The following IPO11 variants were observed in gnomAD, a reference collection of about 807,000 sequenced individuals.
The protein encoded by IPO11 is importin 11.
A neutral mutation model predicts 143.2 loss-of-function variants in IPO11; 66 were observed. That is an observed-to-expected ratio of 0.46 (90% CI 0.38 to 0.57). The LOEUF (loss-of-function observed/expected upper bound fraction) is 0.57. Among genes scored for constraint, IPO11 ranks in the 20% least tolerant of loss-of-function variants. IPO11 has a pLI of 0.00. For missense variants in IPO11, 1,026 were observed against 1,141.0 expected (o/e 0.90, Z 1.45); for synonymous variants, 385 against 377.8 (o/e 1.02, Z -0.22).
chr5:62,538,525 G>A (rs1422917261), intron 24 of IPO11, among the ~76,000 whole-genome samples: 1 of 152,108 alleles, frequency 6.6e-6, no homozygotes, highest in Non-Finnish European at 1.5e-5. Flanking sequence ...GCCTCCTCCC[G>A]CTTCGCTCAG....
intron 27 of IPO11, among the ~76,000 whole-genome samples, chr5:62,577,836 G>A (rs1235514414): frequency 1.3e-5 from 2 of 151,898 alleles, no homozygotes; most frequent in Non-Finnish European, 1.5e-5. Flanking sequence ...AATATCAAAG[G>A]AGAGTTGTAT....
chr5:62,522,279 T>C (rs1012948609), intron 20 of IPO11, among the ~76,000 whole-genome samples: 3 of 149,474 alleles, frequency 2.0e-5, no homozygotes, highest in African/African-American at 7.4e-5. Context: ...GGCTTGCTGA[T>C]TGTGGTGGGT....
chr5:62,563,103 T>G (rs1743826669), intron 27 of IPO11, among the ~76,000 whole-genome samples: 1 of 152,232 alleles, frequency 6.6e-6, no homozygotes, highest in African/African-American at 2.4e-5. Context: ...ATGAAAAGAT[T>G]TCTTCACTGT....
chr5:62,537,700 CTTTAA>C (rs902936155), intron 24 of IPO11, among the ~76,000 whole-genome samples: 16 of 152,190 alleles, frequency 1.1e-4, no homozygotes, highest in African/African-American at 3.4e-4. Flanking sequence ...AATTTGATAG[CTTTAA>C]TTTAAGTTGG....
intron 26 of IPO11, among the ~76,000 whole-genome samples, chr5:62,553,343 TGTG>T (rs1561360405): frequency 3.2e-5 from 4 of 123,692 alleles, no homozygotes; most frequent in South Asian, 3.2e-4. Context: ...TGTGTGTGTG[TGTG>T]TGTGTGTGTG....
chr5:62,522,494 G>A (rs888996144), intron 20 of IPO11, among the ~76,000 whole-genome samples: 5 of 151,984 alleles, frequency 3.3e-5, no homozygotes, highest in African/African-American at 7.2e-5. Context: ...CATGTTGGCC[G>A]GGCTAGTCTC....
At chr5:62,595,279 G>T (rs976205152) in intron 28 of IPO11, among the ~76,000 whole-genome samples, 1 of 152,202 alleles carries the variant, frequency 6.6e-6, no homozygotes, top group East Asian at 1.9e-4. Context: ...TTGGTGAGTG[G>T]TGATGAGATG....
chr5:62,569,282 C>CTGT (rs1744058538), intron 27 of IPO11, among the ~76,000 whole-genome samples: 1 of 152,198 alleles, frequency 6.6e-6, no homozygotes, highest in Non-Finnish European at 1.5e-5. Context: ...CAATGAAAGA[C>CTGT]TGTTCTTTCT....
intron 9 of IPO11, among the ~76,000 whole-genome samples, chr5:62,478,206 C>T (rs1473681494): frequency 2.0e-5 from 3 of 152,102 alleles, no homozygotes; most frequent in Non-Finnish European, 4.4e-5. Flanking sequence ...GACTCTGTCA[C>T]CCACGCTGGA....
intron 20 of IPO11, among the ~76,000 whole-genome samples, chr5:62,522,645 G>T (rs928251235): frequency 3.5e-4 from 53 of 152,044 alleles, no homozygotes; most frequent in Non-Finnish European, 7.5e-4. Context: ...ATGTTTTCGG[G>T]TTAATTTTTT....
At position 62,474,426 on chromosome 5, in the gene IPO11, A is replaced by G. The variant is rs897460349; in HGVS notation, c.719A>G (p.His240Arg). The G allele has an allele frequency of 3.2e-6, 5 of 1,559,768 alleles. No individual in the cohort carries two copies. Among genetic ancestry groups the G allele is most frequent in the Non-Finnish European group, 2.6e-6 (3 of 1,151,844 alleles). ...AATATTCTTTTCTAGGGTTTTTTAC[A>G]TGGAATATTTGAACGTCTAAAACAG... is the stretch of plus-strand genomic sequence containing the variant. ...HKNMEVMGFL[H>R]GIFERLKQFL... is the part of the protein sequence containing the mutation. Residue 240 changes from histidine (H) to arginine (R), a missense_variant, in exon 8 of 30, where the codon CAT becomes CGT. His to Arg is a conservative substitution (Grantham distance 29). Around this residue, in one of 5 missense-constraint regions of IPO11, gnomAD observed 429 missense variants for 456.3 expected, o/e 0.94. Coordinates refer to ENST00000325324, the MANE Select transcript of IPO11 (RefSeq NM_016338.5).
At chr5:62,626,014 A>G (rs1292860638) in intron 29 of IPO11, among the ~76,000 whole-genome samples, 2 of 151,596 alleles carry the variant, frequency 1.3e-5, no homozygotes, top group Non-Finnish European at 2.9e-5. Context: ...TGTATGTTAC[A>G]TTTTTCTTTC....
intron 7 of IPO11, among the ~76,000 whole-genome samples, chr5:62,471,841 T>C (rs1404765218): frequency 6.6e-6 from 1 of 152,238 alleles, no homozygotes; most frequent in Non-Finnish European, 1.5e-5. Context: ...TTTTTCATTT[T>C]TGATAAAAGA....
At chr5:62,426,959 C>T (rs1310607243) in intron 1 of IPO11, among the ~76,000 whole-genome samples, 7 of 61,138 alleles carry the variant, frequency 1.1e-4, no homozygotes, top group Admixed American at 4.6e-4. Flanking sequence ...TTTTTTGATA[C>T]GGAGTTTTGC....
In IPO11 at chr5:62,442,966, A is replaced by T. The variant is rs114642565; in HGVS notation, c.139-17A>T. The stretch of plus-strand genomic sequence containing the variant: ...CTTATTCCATGCTAATTCTAATATT[A>T]TGTTTTTTATTTATAGAATATTTTC... On this transcript the variant is annotated splice_polypyrimidine_tract_variant and intron_variant, in intron 2 of 29. Coordinates refer to ENST00000325324, the MANE Select transcript of IPO11 (RefSeq NM_016338.5). The T allele has an allele frequency of 1.4e-3, 1,942 of 1,397,166 alleles. 29 individuals carry two copies. In the African/African-American group the frequency reaches 0.025, roughly 18 times the overall value. The allele number at this position is 1,397,166 out of a possible 1,614,324, so 86.5% of individuals were successfully genotyped here. A position where few individuals can be genotyped will look rare whatever the true frequency, so the allele number is the denominator to read the frequency against.
intron 1 of IPO11, among the ~76,000 whole-genome samples, chr5:62,434,768 T>TA (rs1298116024): frequency 6.6e-6 from 1 of 152,098 alleles, no homozygotes; most frequent in African/African-American, 2.4e-5. Context: ...CTTACACCTG[T>TA]AATGCCAGAA....
chr5:62,600,627 A>G (rs1181679701), intron 28 of IPO11, among the ~76,000 whole-genome samples: 2 of 152,158 alleles, frequency 1.3e-5, no homozygotes, highest in Non-Finnish European at 2.9e-5. Context: ...TGATAGAGTA[A>G]TGTAATTTTC....
At chr5:62,453,337 A>G (rs953634052) in intron 5 of IPO11, among the ~76,000 whole-genome samples, 2 of 151,006 alleles carry the variant, frequency 1.3e-5, no homozygotes, top group South Asian at 2.1e-4. Flanking sequence ...TTCACCATCC[A>G]TGATTAGAGA....
intron 27 of IPO11, chr5:62,580,619 G>C (rs139239583): frequency 1.7e-5 from 26 of 1,551,448 alleles, no homozygotes; most frequent in East Asian, 1.5e-4. Flanking sequence ...ATGCGTGGCA[G>C]AGCATTACGT....
Sources: allele counts gnomAD v4.1 joint callset (sites outside exome capture counted in the v4.1 genomes callset), GRCh38; gene constraint gnomAD v4.1.1; regional missense constraint gnomAD v4.1.1; transcripts MANE v1.5; gene names NCBI Gene and HGNC (gene_info 2026-07-23, HGNC 2026-07-21).